The following CSMD3 variants were observed in gnomAD, a reference collection of about 807,000 sequenced individuals.
CSMD3 encodes CUB and sushi domain-containing protein 3.
A neutral mutation model predicts 435.2 loss-of-function variants in CSMD3; 177 were observed. The observed-to-expected ratio is 0.41, with a 90% confidence interval of 0.36 to 0.46. The LOEUF is 0.46. Among genes scored for constraint, CSMD3 ranks in the 20% least tolerant of loss-of-function variants. CSMD3 has a pLI of 0.34. For missense variants in CSMD3, 4,265 were observed against 4,504.6 expected (o/e 0.95, Z 1.52); for synonymous variants, 1,656 against 1,520.5 (o/e 1.09, Z -2.07).
At chr8:113,256,759 T>C (rs989885086) in intron 3 of CSMD3, among the ~76,000 whole-genome samples, 1 of 152,204 alleles carries the variant, frequency 6.6e-6, no homozygotes, top group Admixed American at 6.5e-5. Flanking sequence ...TTAGTGATGA[T>C]ACTTTGGAAT....
intron 11 of CSMD3, among the ~76,000 whole-genome samples, chr8:112,844,754 A>G (rs1166492459): frequency 2.6e-5 from 4 of 151,850 alleles, no homozygotes; most frequent in Admixed American, 6.6e-5. Context: ...TGTCACTGAC[A>G]TCCAAACCTA....
intron 3 of CSMD3, among the ~76,000 whole-genome samples, chr8:113,261,056 G>A (rs150685290): frequency 2.2e-3 from 341 of 152,244 alleles, no homozygotes; most frequent in African/African-American, 7.9e-3. Context: ...TGTCTTTACA[G>A]TGGAATGGAA....
At chr8:112,248,810 T>C (rs1268596277) in intron 63 of CSMD3, among the ~76,000 whole-genome samples, 1 of 152,122 alleles carries the variant, frequency 6.6e-6, no homozygotes, top group Non-Finnish European at 1.5e-5. Flanking sequence ...AACAACCTTT[T>C]TTCTTTATGT....
intron 17 of CSMD3, among the ~76,000 whole-genome samples, chr8:112,658,430 T>C (rs369417768): frequency 3.9e-5 from 6 of 152,308 alleles, no homozygotes; most frequent in East Asian, 1.9e-4. Context: ...ATTATGAACA[T>C]AGCATATGAC....
chr8:112,877,551 A>G (rs1275565747), intron 10 of CSMD3, among the ~76,000 whole-genome samples: 1 of 152,146 alleles, frequency 6.6e-6, no homozygotes, highest in Non-Finnish European at 1.5e-5. Context: ...TACAGGCATG[A>G]GCCACCATGT....
At chr8:112,997,199 CA>C (rs1286021114) in intron 6 of CSMD3, among the ~76,000 whole-genome samples, 1 of 151,522 alleles carries the variant, frequency 6.6e-6, no homozygotes, top group Non-Finnish European at 1.5e-5. Context: ...AGAGCTTATT[CA>C]AATATAGAGA....
chr8:112,229,175 GTA>G (rs1812853162), intron 69 of CSMD3, among the ~76,000 whole-genome samples: 1 of 151,982 alleles, frequency 6.6e-6, no homozygotes, highest in Non-Finnish European at 1.5e-5. Flanking sequence ...TAATAAGTGT[GTA>G]TATCAAGCAT....
At chr8:113,023,949 C>A (rs1397479171) in intron 5 of CSMD3, among the ~76,000 whole-genome samples, 1 of 152,076 alleles carries the variant, frequency 6.6e-6, no homozygotes, top group Non-Finnish European at 1.5e-5. Context: ...TCTCTTCTAG[C>A]TATTTTGAGA....
intron 5 of CSMD3, among the ~76,000 whole-genome samples, chr8:113,037,057 C>A (rs563646640): frequency 2.9e-4 from 44 of 152,026 alleles, no homozygotes; most frequent in Non-Finnish European, 5.3e-4. Flanking sequence ...ATGCACTATG[C>A]AATGAAGTAG....
chr8:112,373,572 G>A (rs138239976), intron 38 of CSMD3, among the ~76,000 whole-genome samples: 1 of 151,916 alleles, frequency 6.6e-6, no homozygotes, highest in African/African-American at 2.4e-5. Context: ...TTCTCTTCCA[G>A]AGGCTGTATA....
rs2131062926 is a variant in CSMD3 at position 112,352,454 on chromosome 8, C to T, written c.6217G>A (p.Val2073Ile). 1 of 1,613,652 alleles carries T rather than the reference C, an allele frequency of 6.2e-7. No homozygotes were observed. Among genetic ancestry groups the T allele is most frequent in the Non-Finnish European group, 8.5e-7 (1 of 1,179,746 alleles). Residue 2073 changes from valine (V) to isoleucine (I), a missense_variant, in exon 39 of 71, where the codon GTA (valine) becomes ATA (isoleucine). Val to Ile is a conservative substitution (Grantham distance 29). Around this residue, in one of 3 missense-constraint regions of CSMD3, gnomAD observed 3,255 missense variants for 3,380.2 expected, o/e 0.96. Transcript: ENST00000297405. The part of the protein sequence containing the change: ...KIGDRYMVGD[V>I]VSFQCDQGYS... ...CCTTGATCACACTGAAAGGATACTA[C>T]ATCTCCAACCATATATCTGTCTCCA...
rs553393678 is a variant in CSMD3 at position 112,695,533 on chromosome 8, C to G, written c.1973-5483G>C. Among the ~76,000 whole-genome samples, 3 of 152,160 alleles carry G rather than the reference C, an allele frequency of 2.0e-5. No homozygotes were observed. In the East Asian group the frequency reaches 5.8e-4, roughly 29 times the overall value. On this transcript the variant is annotated intron_variant, in intron 13 of 70. Transcript: ENST00000297405. The stretch of plus-strand genomic sequence containing the variant: ...AAGGCCTTTGACAAAATTCAACAGC[C>G]CTTCATGCTAAAAACTCTCAATAAA...
chr8:113,001,668 A>G (rs2085869205), intron 6 of CSMD3, among the ~76,000 whole-genome samples: 1 of 152,092 alleles, frequency 6.6e-6, no homozygotes. Flanking sequence ...ACATACACAC[A>G]CTATATGTAT....
At chr8:113,015,186 T>A (rs556472329) in intron 6 of CSMD3, among the ~76,000 whole-genome samples, 1 of 152,182 alleles carries the variant, frequency 6.6e-6, no homozygotes, top group East Asian at 1.9e-4. Flanking sequence ...GAAGTCTCTG[T>A]GTAATTAAGG....
rs564561566 is a variant in CSMD3, at chr8:113,182,423, C to T, written c.515-8507G>A. Among the ~76,000 whole-genome samples the T allele has an allele frequency of 2.6e-5, 4 of 151,434 alleles. No homozygotes were observed. In the East Asian group the frequency reaches 7.8e-4, roughly 30 times the overall value. ...ATAGGTTGATACATATAAGGAAACA[C>T]AGAATGTAACTTCAGAAAATAATCT... is the stretch of plus-strand genomic sequence containing the variant. On this transcript the variant is annotated intron_variant, in intron 3 of 70. Coordinates refer to ENST00000297405, the MANE Select transcript of CSMD3 (RefSeq NM_198123.2).
rs558988448 is a variant in CSMD3 at position 113,387,740 on chromosome 8, A to T, written c.178+48937T>A. Among the ~76,000 whole-genome samples the T allele has an allele frequency of 2.0e-4, 30 of 151,822 alleles. 1 individual carries two copies. The highest frequency in any genetic ancestry group is 4.0e-4 in the Non-Finnish European group (27 of 67,674). On this transcript the variant is annotated intron_variant, in intron 1 of 70. Coordinates refer to ENST00000297405, the MANE Select transcript of CSMD3 (RefSeq NM_198123.2). ...CAAGAAGGGAAAAAGAAGAGGAAGT[A>T]AAAAGGAAGAGAAAGATAATGAAAC...
chr8:113,374,683 T>A (rs1473042298), intron 1 of CSMD3, among the ~76,000 whole-genome samples: 1 of 151,964 alleles, frequency 6.6e-6, no homozygotes, highest in East Asian at 1.9e-4. Context: ...TGTGGAGGAA[T>A]TGAGGGCATT....
intron 5 of CSMD3, among the ~76,000 whole-genome samples, chr8:113,068,941 G>A (rs1229289935): frequency 6.6e-6 from 1 of 151,886 alleles, no homozygotes; most frequent in Non-Finnish European, 1.5e-5. Flanking sequence ...CAGCTATGAT[G>A]TGAGTCTCAC....
At chr8:112,925,144 C>T (rs1332872039) in intron 9 of CSMD3, among the ~76,000 whole-genome samples, 2 of 152,038 alleles carry the variant, frequency 1.3e-5, no homozygotes, top group Non-Finnish European at 2.9e-5. Flanking sequence ...GTTCCAAATA[C>T]CATTAACAGT....
Sources: gnomAD v4.1 joint callset for allele counts (sites outside exome capture counted in the v4.1 genomes callset) on GRCh38, gnomAD v4.1.1 for gene constraint, gnomAD v4.1.1 regional missense constraint, MANE v1.5 for transcripts, NCBI Gene and HGNC (gene_info 2026-07-23, HGNC 2026-07-21) for gene names.